Variants in RAB20 observed in about 807,000 individuals in gnomAD.
The protein encoded by RAB20 is RAB20, member RAS oncogene family, also known as ras-related protein Rab-20.
A neutral mutation model predicts 3.7 loss-of-function variants in RAB20; 2 were observed. The ratio of observed to expected loss-of-function variants is 0.54; its 90% CI spans 0.22 to 1.69. The LOEUF (loss-of-function observed/expected upper bound fraction) is 1.69. Among genes scored for constraint, RAB20 ranks in the 40% most tolerant of loss-of-function variants. The pLI is 0.19. For missense variants in RAB20, 276 were observed against 311.9 expected, an observed-to-expected ratio of 0.88 and a Z score of 0.87; for synonymous variants, 126 against 130.8, an observed-to-expected ratio of 0.96 and a Z score of 0.25.
At chr13:110,552,241 T>C (rs1179721225) in intron 1 of RAB20, among the ~76,000 whole-genome samples, 1 of 151,670 alleles carries the variant, frequency 6.6e-6, no homozygotes, top group Non-Finnish European at 1.5e-5. Flanking sequence ...TAGCCGGGCA[T>C]GGTGGTGGGC....
chr13:110,557,394 T>C (rs973009911), intron 1 of RAB20, among the ~76,000 whole-genome samples: 11 of 152,208 alleles, frequency 7.2e-5, no homozygotes, highest in Non-Finnish European at 1.5e-4. Context: ...CTTGGTGATG[T>C]GGGAAGTCCT....
chr13:110,552,100 C>T (rs935111710), intron 1 of RAB20, among the ~76,000 whole-genome samples: 33 of 151,950 alleles, frequency 2.2e-4, no homozygotes, highest in African/African-American at 9.7e-5. Context: ...ATAAATAAGA[C>T]GGGCGCGGTA....
Position 110,523,443 on chromosome 13 carries a change from G to A in RAB20, c.*222C>T. 1.1e-6 allele frequency: 1 copy of A among 907,386 alleles called. No individual in the cohort carries two copies. 56.2% of individuals were successfully genotyped at this position (907,386 alleles called of 1,614,324 possible). A position where few individuals can be genotyped will look rare whatever the true frequency, so the allele number is the denominator to read the frequency against. ...GACTCTGCAGATTGGGCTTTGCAGA[G>A]GATTCCTGTTTCCCACCTCCCCACC... On this transcript the variant is annotated 3_prime_UTR_variant, in exon 2 of 2. Coordinates refer to ENST00000267328, the MANE Select transcript of RAB20 (RefSeq NM_017817.3).
At chr13:110,554,248 C>T (rs1426980815) in intron 1 of RAB20, among the ~76,000 whole-genome samples, 2 of 152,220 alleles carry the variant, frequency 1.3e-5, no homozygotes, top group Admixed American at 6.5e-5. Context: ...TCAAAAGTGC[C>T]GAATGTCAGC....
intron 1 of RAB20, among the ~76,000 whole-genome samples, chr13:110,556,441 T>C (rs542612799): frequency 6.6e-6 from 1 of 152,322 alleles, no homozygotes; most frequent in South Asian, 2.1e-4. Flanking sequence ...AGGAATGCAA[T>C]CCTGCAAGCT....
rs139415057 is a variant in RAB20 at position 110,556,621 on chromosome 13, C to T, written c.172+4727G>A. Among the ~76,000 whole-genome samples the T allele has an allele frequency of 5.2e-3, 796 of 152,184 alleles. 5 individuals are homozygous for T. The highest frequency in any genetic ancestry group is 0.018 in the African/African-American group (746 of 41,502). On this transcript the variant is annotated intron_variant, in intron 1 of 1. Transcript: ENST00000267328. ...TGATCATGGCTCACTGCAGCCTCAA[C>T]CTCCCAGGCTCAAGAAATCCTCTTA...
chr13:110,554,742 C>A (rs180990626), intron 1 of RAB20, among the ~76,000 whole-genome samples: 4 of 151,854 alleles, frequency 2.6e-5, no homozygotes, highest in African/African-American at 9.7e-5. Context: ...CCTGCATGAG[C>A]GAAGCAGCAT....
rs1209558052 is a variant in RAB20, at chr13:110,523,697, G to A, written c.673C>T (p.Pro225Ser). Residue 225 changes from proline (P) to serine (S), a missense_variant, in exon 2 of 2, where the codon CCC becomes TCC. By Grantham distance (74) the Pro-to-Ser change is moderately conservative. Coordinates refer to ENST00000267328, the MANE Select transcript of RAB20 (RefSeq NM_017817.3). ...CAACACCCAGATCTGGTCCTCTTGG[G>A]TGGCTTATGACTGGATATATCCACT... is the stretch of plus-strand genomic sequence containing the variant. Reference protein sequence around the residue: ...HTVDISSHKPPKRTRSGCCA With the variant: ...HTVDISSHKPSKRTRSGCCA The A allele has an allele frequency of 4.3e-6, 7 of 1,614,122 alleles. No individual in the cohort carries two copies. Among genetic ancestry groups the A allele is most frequent in the Middle Eastern group, 1.6e-4 (1 of 6,062 alleles).
chr13:110,553,187 T>G (rs1214563548), intron 1 of RAB20, among the ~76,000 whole-genome samples: 2 of 152,192 alleles, frequency 1.3e-5, no homozygotes, highest in African/African-American at 4.8e-5. Context: ...CACATGTGCC[T>G]GGGGTTTTGC....
intron 1 of RAB20, among the ~76,000 whole-genome samples, chr13:110,559,142 T>C (rs768649348): frequency 1.3e-5 from 2 of 152,230 alleles, no homozygotes; most frequent in African/African-American, 2.4e-5. Context: ...CAGCCAGGCA[T>C]TGGGTGTACA....
intron 1 of RAB20, among the ~76,000 whole-genome samples, chr13:110,529,496 G>A (rs1411275459): frequency 6.6e-6 from 1 of 152,202 alleles, no homozygotes; most frequent in Non-Finnish European, 1.5e-5. Context: ...TGGTTTACCT[G>A]GACTTTCCTG....
At position 110,523,395 on chromosome 13, in the gene RAB20, G is replaced by C. The variant is rs1272611712; in HGVS notation, c.*270C>G. Reference sequence around the variant, plus strand: ...TGCAAAGGACCAGTGCCAGGCAGCGGGGCAGAGAGCACCAGGGGTCTCGAC... The same window carrying C: ...TGCAAAGGACCAGTGCCAGGCAGCGCGGCAGAGAGCACCAGGGGTCTCGAC... On this transcript the variant is annotated 3_prime_UTR_variant, in exon 2 of 2. Transcript: ENST00000267328. 3 of 643,022 alleles carry C rather than the reference G, an allele frequency of 4.7e-6. No homozygotes were observed. Among genetic ancestry groups the C allele is most frequent in the Non-Finnish European group, 7.6e-6 (3 of 392,228 alleles). The allele number at this position is 643,022 out of a possible 1,614,324, so 39.8% of individuals were successfully genotyped here.
chr13:110,539,077 C>T (rs1330306812), intron 1 of RAB20, among the ~76,000 whole-genome samples: 8 of 152,132 alleles, frequency 5.3e-5, no homozygotes, highest in Non-Finnish European at 1.0e-4. Context: ...AGAAAGGAGG[C>T]GATTAGGTGA....
At chr13:110,551,865 G>A (rs1884957176) in intron 1 of RAB20, among the ~76,000 whole-genome samples, 1 of 149,902 alleles carries the variant, frequency 6.7e-6, no homozygotes, top group African/African-American at 2.5e-5. Context: ...ACGATATCTT[G>A]AGCCCAGGAG....
chr13:110,549,474 A>T (rs71440070), intron 1 of RAB20, among the ~76,000 whole-genome samples: 2,775 of 112,246 alleles, frequency 0.025, 37 homozygotes, highest in African/African-American at 0.066. Context: ...GTTACAATCT[A>T]TTGTTATAAT....
Position 110,524,304 on chromosome 13 carries a change from A to G in RAB20, c.173-107T>C. The G allele has an allele frequency of 2.1e-6, 3 of 1,419,754 alleles. 1 individual carries two copies. In the South Asian group the frequency reaches 4.4e-5, roughly 21 times the overall value. The allele number at this position is 1,419,754 out of a possible 1,614,324, so 87.9% of individuals were successfully genotyped here. ...CACAGGGATGTTTATTTTTAGGGCA[A>G]CACACACAGGATGAAATGCTTAAAC... On this transcript the variant is annotated intron_variant, in intron 1 of 1. Coordinates refer to ENST00000267328, the MANE Select transcript of RAB20 (RefSeq NM_017817.3).
rs949176388 is a variant in RAB20 at position 110,523,401 on chromosome 13, A to G, written c.*264T>C. The G allele has an allele frequency of 9.1e-6, 6 of 661,148 alleles. No homozygotes were observed. Among genetic ancestry groups the G allele is most frequent in the African/African-American group, 1.8e-5 (1 of 55,170 alleles). The allele number at this position is 661,148 out of a possible 1,614,324, so 41.0% of individuals were successfully genotyped here. ...GGACCAGTGCCAGGCAGCGGGGCAG[A>G]GAGCACCAGGGGTCTCGACTCTGCA... On this transcript the variant is annotated 3_prime_UTR_variant, in exon 2 of 2. Coordinates refer to ENST00000267328, the MANE Select transcript of RAB20 (RefSeq NM_017817.3).
chr13:110,538,926 G>A (rs909023463), intron 1 of RAB20, among the ~76,000 whole-genome samples: 2 of 152,122 alleles, frequency 1.3e-5, no homozygotes, highest in Non-Finnish European at 2.9e-5. Context: ...CTGCTCAATT[G>A]TACCAAGAAA....
chr13:110,542,747 T>C (rs551778434), intron 1 of RAB20, among the ~76,000 whole-genome samples: 1 of 152,302 alleles, frequency 6.6e-6, no homozygotes, highest in South Asian at 2.1e-4. Context: ...ATTCTGTATC[T>C]TGGCTACTGT....
Sources: allele counts gnomAD v4.1 joint callset (sites outside exome capture counted in the v4.1 genomes callset), GRCh38; gene constraint gnomAD v4.1.1; transcripts MANE v1.5; gene names NCBI Gene and HGNC (gene_info 2026-07-23, HGNC 2026-07-21).